Variants in TRAPPC9 observed in about 807,000 individuals in gnomAD.
The protein encoded by TRAPPC9 is trafficking protein particle complex subunit 9.
TRAPPC9 carries 83 observed loss-of-function variants against 124.0 expected under a neutral mutation model. The ratio of observed to expected loss-of-function variants is 0.67; its 90% CI spans 0.56 to 0.80. The LOEUF is 0.80. TRAPPC9 is among the 30% of genes least tolerant of loss of function. The pLI is 0.00. For synonymous variants in TRAPPC9, 638 were observed against 617.5 expected, an observed-to-expected ratio of 1.03 and a Z score of -0.49; for missense variants, 1,302 against 1,508.3, an observed-to-expected ratio of 0.86 and a Z score of 2.27.
At chr8:139,919,631 T>C (rs1472643701) in intron 19 of TRAPPC9, among the ~76,000 whole-genome samples, 1 of 152,242 alleles carries the variant, frequency 6.6e-6, no homozygotes, top group Non-Finnish European at 1.5e-5. Context: ...TGAGATGTTC[T>C]GGGCATTATT....
chr8:140,142,810 C>T (rs569790125), intron 17 of TRAPPC9, among the ~76,000 whole-genome samples: 1 of 152,348 alleles, frequency 6.6e-6, no homozygotes, highest in Admixed American at 6.5e-5. Flanking sequence ...TTCATTTCTT[C>T]ATTTGTAAAG....
chr8:140,119,430 G>A (rs1385725446), intron 17 of TRAPPC9, among the ~76,000 whole-genome samples: 2 of 152,128 alleles, frequency 1.3e-5, no homozygotes, highest in East Asian at 1.9e-4. Flanking sequence ...CACTGACCAG[G>A]GGCATCCTCA....
chr8:139,734,901 G>GT (rs1196646689), intron 21 of TRAPPC9, among the ~76,000 whole-genome samples: 4 of 152,208 alleles, frequency 2.6e-5, no homozygotes, highest in South Asian at 2.1e-4. Context: ...CTATTCTAGT[G>GT]TTTTTCAAGG....
chr8:140,129,003 ATT>A (rs2061151692), intron 17 of TRAPPC9, among the ~76,000 whole-genome samples: 1 of 132,786 alleles, frequency 7.5e-6, no homozygotes, highest in African/African-American at 2.7e-5. Context: ...ATATATATAT[ATT>A]AAAAAAAAAA....
chr8:140,178,388 AT>A lies in TRAPPC9; in HGVS notation c.2556+43070del, dbSNP rs1235965049. Reference sequence around the variant, plus strand: ...TTTTATTCTCCTTCATTCTATTAATATAGTGAATGACACTGATTGAAATTTG... The same window carrying A: ...TTTTATTCTCCTTCATTCTATTAATAAGTGAATGACACTGATTGAAATTTG... On this transcript the variant is annotated intron_variant, in intron 17 of 22. Transcript: ENST00000438773. 3.9e-5 allele frequency among the ~76,000 whole-genome samples: 6 copies of A among 152,284 alleles called. No individual in the cohort carries two copies. The East Asian group carries it at 9.6e-4, about 24-fold the overall frequency.
In TRAPPC9 at chr8:140,137,895, G is replaced by A. The variant is rs376780547; in HGVS notation, c.2556+83564C>T. ...AATAAGTAAAACCAAATCCAGGTAT[G>A]TTTGATTCTGAAATTTGTGCACATA... is the stretch of plus-strand genomic sequence containing the variant. On this transcript the variant is annotated intron_variant, in intron 17 of 22. Coordinates refer to ENST00000438773, the MANE Select transcript of TRAPPC9 (RefSeq NM_001160372.4). Among the ~76,000 whole-genome samples the A allele has an allele frequency of 3.2e-4, 49 of 152,324 alleles. No homozygotes were observed. The East Asian group carries it at 8.3e-3, about 26-fold the overall frequency.
intron 17 of TRAPPC9, among the ~76,000 whole-genome samples, chr8:140,206,373 G>C (rs2062917620): frequency 6.6e-6 from 1 of 151,844 alleles, no homozygotes; most frequent in African/African-American, 2.4e-5. Context: ...TTTCTTTCTT[G>C]TCTTACAATT....
intron 16 of TRAPPC9, among the ~76,000 whole-genome samples, chr8:140,249,693 T>C (rs2064083834): frequency 7.2e-6 from 1 of 138,380 alleles, no homozygotes; most frequent in Non-Finnish European, 1.5e-5. Context: ...AAGCTCCGCC[T>C]CCCGGGTTCA....
chr8:140,057,848 G>GA (rs1397967990), intron 17 of TRAPPC9, among the ~76,000 whole-genome samples: 4 of 151,846 alleles, frequency 2.6e-5, no homozygotes, highest in Non-Finnish European at 5.9e-5. Context: ...TCCCACAATG[G>GA]AAAAAAAATG....
chr8:140,267,822 A>G (rs976027566), intron 15 of TRAPPC9, among the ~76,000 whole-genome samples: 4 of 152,096 alleles, frequency 2.6e-5, no homozygotes, highest in African/African-American at 9.7e-5. Context: ...GCCCACCACC[A>G]AGCACAGCCA....
chr8:140,038,568 A>G (rs1841059885), intron 17 of TRAPPC9, among the ~76,000 whole-genome samples: 1 of 152,236 alleles, frequency 6.6e-6, no homozygotes, highest in African/African-American at 2.4e-5. Context: ...CTCCACGCAC[A>G]CTGCTGTCTA....
At chr8:140,119,115 C>G (rs117350858) in intron 17 of TRAPPC9, among the ~76,000 whole-genome samples, 31 of 152,264 alleles carry the variant, frequency 2.0e-4, no homozygotes, top group African/African-American at 7.0e-4. Flanking sequence ...CAAGATAAGG[C>G]AAGGAGAAAA....
At chr8:140,315,233 C>CTTTT (rs61220260) in intron 9 of TRAPPC9, among the ~76,000 whole-genome samples, 16 of 107,156 alleles carry the variant, frequency 1.5e-4, no homozygotes, top group South Asian at 3.3e-4. Flanking sequence ...ATTTGTATGT[C>CTTTT]TTTTTTTTTT....
intron 15 of TRAPPC9, among the ~76,000 whole-genome samples, chr8:140,272,241 TGGGGGTGGGGGTTGG>T (rs2064948196): frequency 5.7e-5 from 2 of 35,374 alleles, no homozygotes; most frequent in Middle Eastern, 0.014. Context: ...GTGGTAGTGG[TGGGGGTGGGGGTTGG>T]GGTGGTGTTT....
intron 17 of TRAPPC9, among the ~76,000 whole-genome samples, chr8:140,046,232 T>C (rs1349134036): frequency 6.6e-6 from 1 of 152,254 alleles, no homozygotes; most frequent in Admixed American, 6.5e-5. Context: ...CCCAGGAAGT[T>C]GGATGCTCCG....
intron 17 of TRAPPC9, among the ~76,000 whole-genome samples, chr8:140,138,455 C>G (rs1431896864): frequency 6.6e-6 from 1 of 152,182 alleles, no homozygotes; most frequent in Non-Finnish European, 1.5e-5. Context: ...AAAGGATGCC[C>G]CACGTCCTAA....
rs1323535187 is a variant in TRAPPC9, at chr8:139,777,514, TGA to T, written c.3056-45314_3056-45313del. ...AGAGGCGAGGTCAACATTTCCTGAATGAGCAAATGAATGAAGGAAAGATTTCC... is the reference window on the plus strand; with the variant it reads ...AGAGGCGAGGTCAACATTTCCTGAATGCAAATGAATGAAGGAAAGATTTCC... On this transcript the variant is annotated intron_variant, in intron 21 of 22. Coordinates refer to ENST00000438773, the MANE Select transcript of TRAPPC9 (RefSeq NM_001160372.4). Among the ~76,000 whole-genome samples, 7 of 152,336 alleles carry T rather than the reference TGA, an allele frequency of 4.6e-5. No homozygotes were observed. In the East Asian group the frequency reaches 9.6e-4, roughly 21 times the overall value.
chr8:140,282,928 CA>C (rs1247747231), intron 14 of TRAPPC9, among the ~76,000 whole-genome samples: 8 of 152,020 alleles, frequency 5.3e-5, no homozygotes, highest in African/African-American at 1.9e-4. Context: ...TAAACAAGAT[CA>C]AAACTATTTC....
intron 21 of TRAPPC9, among the ~76,000 whole-genome samples, chr8:139,783,791 T>C (rs1378975359): frequency 6.6e-6 from 1 of 152,210 alleles, no homozygotes; most frequent in East Asian, 1.9e-4. Flanking sequence ...AAACATAATA[T>C]CATTACCAAC....
Sources: gnomAD v4.1 joint callset for allele counts (sites outside exome capture counted in the v4.1 genomes callset) on GRCh38, gnomAD v4.1.1 for gene constraint, MANE v1.5 for transcripts, NCBI Gene and HGNC (gene_info 2026-07-23, HGNC 2026-07-21) for gene names.